The following EML4 variants were observed in gnomAD, a reference collection of about 807,000 sequenced individuals.
The protein encoded by EML4 is echinoderm microtubule-associated protein-like 4.
In EML4, 72 loss-of-function variants were observed where a neutral mutation model predicts 129.0. The ratio of observed to expected loss-of-function variants is 0.56; its 90% CI spans 0.46 to 0.68. The LOEUF is 0.68. Among genes scored for constraint, EML4 ranks in the 30% least tolerant of loss-of-function variants. The pLI is 0.00. For missense variants in EML4, 1,363 were observed against 1,190.6 expected, an observed-to-expected ratio of 1.14 and a Z score of -2.13; for synonymous variants, 532 against 405.0, an observed-to-expected ratio of 1.31 and a Z score of -3.77.
In EML4 at chr2:42,263,767, G is replaced by A. The variant is rs891592992; in HGVS notation, c.641+461G>A. 7.3e-5 allele frequency among the ~76,000 whole-genome samples: 11 copies of A among 151,390 alleles called. 1 individual carries two copies. The highest frequency in any genetic ancestry group is 2.7e-4 in the African/African-American group (11 of 41,168). ...TACTTCTCTTATGGAGTCTCACTCTGTTGCCAGGCTGGAGTGCAGTGGCAC... is the reference window on the plus strand; with the variant it reads ...TACTTCTCTTATGGAGTCTCACTCTATTGCCAGGCTGGAGTGCAGTGGCAC... On this transcript the variant is annotated intron_variant, in intron 5 of 22. Transcript: ENST00000318522.
intron 19 of EML4, among the ~76,000 whole-genome samples, chr2:42,324,162 G>A (rs910007746): frequency 5.9e-5 from 9 of 151,758 alleles, no homozygotes; most frequent in Non-Finnish European, 1.3e-4. Context: ...TGGGATGGTG[G>A]TGCACACCTG....
At chr2:42,289,911 T>TGC (rs1322311511) in intron 11 of EML4, 1 of 21,558 alleles carries the variant, frequency 4.6e-5, no homozygotes, top group East Asian at 1.2e-3. Context: ...CTACTAAAAA[T>TGC]ACAAAAAAAA....
At chr2:42,294,317 G>T (rs1302776118) in intron 11 of EML4, among the ~76,000 whole-genome samples, 2 of 152,132 alleles carry the variant, frequency 1.3e-5, no homozygotes, top group East Asian at 3.8e-4. Flanking sequence ...TTTAATTTCT[G>T]TAGGAATCAG....
At chr2:42,307,903 C>T (rs1289794833) in intron 17 of EML4, among the ~76,000 whole-genome samples, 1 of 152,236 alleles carries the variant, frequency 6.6e-6, no homozygotes, top group Non-Finnish European at 1.5e-5. Context: ...GATCACCTTG[C>T]CTGGGCCTCC....
chr2:42,318,941 A>G (rs958058802), intron 19 of EML4, among the ~76,000 whole-genome samples: 3 of 152,048 alleles, frequency 2.0e-5, no homozygotes, highest in African/African-American at 4.8e-5. Context: ...CCTGGCCTCA[A>G]GCAGTCCTCC....
intron 8 of EML4, among the ~76,000 whole-genome samples, chr2:42,283,280 A>G (rs1434698954): frequency 6.6e-6 from 1 of 152,154 alleles, no homozygotes; most frequent in Non-Finnish European, 1.5e-5. Flanking sequence ...CAGACTGGAC[A>G]TTTTCAGGTT....
intron 2 of EML4, among the ~76,000 whole-genome samples, chr2:42,246,333 C>A (rs1400872137): frequency 1.3e-5 from 2 of 152,102 alleles, no homozygotes; most frequent in East Asian, 3.8e-4. Context: ...AAGATTTGAA[C>A]ATATCATTTG....
At chr2:42,316,343 A>G (rs1477697435) in intron 18 of EML4, among the ~76,000 whole-genome samples, 2 of 152,250 alleles carry the variant, frequency 1.3e-5, no homozygotes, top group Non-Finnish European at 2.9e-5. Flanking sequence ...CATACTTAGA[A>G]TTTTGAATAG....
intron 19 of EML4, among the ~76,000 whole-genome samples, chr2:42,318,858 C>T (rs2103799765): frequency 6.6e-6 from 1 of 152,212 alleles, no homozygotes; most frequent in Admixed American, 6.5e-5. Context: ...GTGTGTGCCA[C>T]CTTGCCCGGC....
intron 13 of EML4, among the ~76,000 whole-genome samples, chr2:42,300,291 A>G (rs534338686): frequency 6.6e-6 from 1 of 152,344 alleles, no homozygotes; most frequent in East Asian, 1.9e-4. Context: ...TTGCTCTGCT[A>G]GCCTATCTAG....
chr2:42,257,041 A>G (rs551471891), intron 3 of EML4, among the ~76,000 whole-genome samples: 5 of 152,324 alleles, frequency 3.3e-5, no homozygotes, highest in African/African-American at 9.6e-5. Flanking sequence ...AAATGCTATT[A>G]TAACTTTTAT....
chr2:42,263,394 G>GAA, intron 5 of EML4, 88 bp downstream of exon 5: 1 of 349,892 alleles, frequency 2.9e-6, no homozygotes, highest in Non-Finnish European at 5.0e-6. Flanking sequence ...TGTCTGGTTT[G>GAA]AATCTTTTTT....
chr2:42,185,056 T>C lies in EML4; in HGVS notation c.25+15420T>C, dbSNP rs548504051. Among the ~76,000 whole-genome samples the C allele has an allele frequency of 5.8e-4, 88 of 152,324 alleles. 2 individuals are homozygous for C. In the South Asian group the frequency reaches 0.018, roughly 30 times the overall value. On this transcript the variant is annotated intron_variant, in intron 1 of 22. Transcript: ENST00000318522. ...TGTGCAATGATACATCTGTGACATATTGGCAAAATCATTGGTCCCGGAATA... is the reference window on the plus strand; with the variant it reads ...TGTGCAATGATACATCTGTGACATACTGGCAAAATCATTGGTCCCGGAATA...
intron 3 of EML4, among the ~76,000 whole-genome samples, chr2:42,259,435 A>C (rs928536944): frequency 1.2e-4 from 18 of 152,274 alleles, no homozygotes; most frequent in African/African-American, 3.6e-4. Context: ...CAAGAGTCAA[A>C]GTACATAATC....
At chr2:42,259,429 A>T (rs1665567216) in intron 3 of EML4, among the ~76,000 whole-genome samples, 1 of 152,168 alleles carries the variant, frequency 6.6e-6, no homozygotes, top group South Asian at 2.1e-4. Context: ...ATTAACCAAG[A>T]GTCAAAGTAC....
chr2:42,232,447 AC>A (rs1367030904), intron 1 of EML4, among the ~76,000 whole-genome samples: 1 of 152,222 alleles, frequency 6.6e-6, no homozygotes, highest in Non-Finnish European at 1.5e-5. Context: ...CTACAGCCTT[AC>A]ATTTGTCTGG....
intron 1 of EML4, among the ~76,000 whole-genome samples, chr2:42,236,963 A>G (rs931626354): frequency 1.3e-5 from 2 of 152,074 alleles, no homozygotes; most frequent in South Asian, 2.1e-4. Flanking sequence ...TTCCTTTTCT[A>G]TGAGGTGTTT....
intron 8 of EML4, 83 bp downstream of exon 8, chr2:42,283,055 G>T (rs1412896267): frequency 8.0e-7 from 1 of 1,247,540 alleles, no homozygotes; most frequent in Admixed American, 2.4e-5. Context: ...TATTGAAAGT[G>T]ATTTCTTGTG....
At chr2:42,209,218 T>A (rs1235555954) in intron 1 of EML4, among the ~76,000 whole-genome samples, 1 of 152,206 alleles carries the variant, frequency 6.6e-6, no homozygotes, top group Non-Finnish European at 1.5e-5. Context: ...ATGAAATAAT[T>A]TTTAGACAAT....
Sources: gnomAD v4.1 joint callset for allele counts (sites outside exome capture counted in the v4.1 genomes callset) on GRCh38, gnomAD v4.1.1 for gene constraint, MANE v1.5 for transcripts, NCBI Gene and HGNC (gene_info 2026-07-23, HGNC 2026-07-21) for gene names.